CLTCL1: variants seen among roughly 807,000 people sequenced by gnomAD.
CLTCL1 encodes the protein clathrin heavy chain like 1, also known as clathrin heavy chain 2.
Under a neutral mutation model 190.0 loss-of-function variants are expected in CLTCL1, and 159 were observed. The ratio of observed to expected loss-of-function variants is 0.84; its 90% CI spans 0.74 to 0.95. The LOEUF (loss-of-function observed/expected upper bound fraction) is 0.95, where lower values mean the gene tolerates loss of function less well. CLTCL1 is among the 40% of genes least tolerant of loss of function. The pLI, the probability that CLTCL1 is intolerant of heterozygous loss-of-function variation, is 0.00. For synonymous variants in CLTCL1, 752 were observed against 769.6 expected, an observed-to-expected ratio of 0.98 and a Z score of 0.38; for missense variants, 1,878 against 2,033.4, an observed-to-expected ratio of 0.92 and a Z score of 1.47.
At chr22:19,251,605 C>T (rs528071686) in intron 3 of CLTCL1, among the ~76,000 whole-genome samples, 13 of 152,232 alleles carry the variant, frequency 8.5e-5, no homozygotes, top group African/African-American at 2.9e-4. Flanking sequence ...TACAGGCGCC[C>T]GCCACCGTGC....
chr22:19,192,285 T>A (rs2084536482), intron 26 of CLTCL1, among the ~76,000 whole-genome samples: 1 of 152,116 alleles, frequency 6.6e-6, no homozygotes. Context: ...CAGGATGGTC[T>A]CGATCTCCTG....
chr22:19,194,791 G>T (rs1050981110), intron 26 of CLTCL1, among the ~76,000 whole-genome samples: 1 of 152,238 alleles, frequency 6.6e-6, no homozygotes, highest in Non-Finnish European at 1.5e-5. Context: ...CAGCCCTATG[G>T]CTAAGTGGAT....
At chr22:19,180,985 G>A in intron 30 of CLTCL1, 179 bp from the exon 31 acceptor site, 1 of 608,224 alleles carries the variant, frequency 1.6e-6, no homozygotes. Flanking sequence ...AATGCAGCAA[G>A]GCATGGAGAG....
intron 20 of CLTCL1, 46 bp from the exon 21 acceptor site, chr22:19,209,160 C>A: frequency 6.7e-7 from 1 of 1,486,632 alleles, no homozygotes; most frequent in South Asian, 1.3e-5. Context: ...ATCTAGTCAG[C>A]TCCAAAAAAC....
chr22:19,202,660 C>T (rs2084935627), intron 22 of CLTCL1, among the ~76,000 whole-genome samples: 1 of 151,702 alleles, frequency 6.6e-6, no homozygotes. Context: ...TCTTGTACCA[C>T]CCCTACACGC....
chr22:19,221,339 C>G lies in CLTCL1; in HGVS notation c.2796+38G>C, dbSNP rs2085561141. ...ACCTTTGAAAGCTTCCCTGGGAGCC[C>G]AGGGTTACATGGGCAGCTCAGCACA... is the stretch of plus-strand genomic sequence containing the variant. On this transcript the variant is annotated intron_variant, in intron 17 of 32. Transcript: ENST00000427926. The G allele has an allele frequency of 2.0e-6, 3 of 1,481,668 alleles. No individual in the cohort carries two copies. In the African/African-American group the frequency reaches 4.2e-5, roughly 21 times the overall value. 91.8% of individuals were successfully genotyped at this position (1,481,668 alleles called of 1,614,324 possible).
At chr22:19,248,054 T>TGGGA (rs2086474653) in intron 3 of CLTCL1, among the ~76,000 whole-genome samples, 1 of 151,216 alleles carries the variant, frequency 6.6e-6, no homozygotes, top group African/African-American at 2.4e-5. Flanking sequence ...CCCAGCACTT[T>TGGGA]GGGAGGCCGA....
intron 14 of CLTCL1, among the ~76,000 whole-genome samples, 193 bp downstream of exon 14, chr22:19,223,697 TG>T (rs1321832079): frequency 6.6e-6 from 1 of 152,250 alleles, no homozygotes; most frequent in Non-Finnish European, 1.5e-5. Context: ...AGCCTCAAGC[TG>T]CTTTCCACAC....
intron 1 of CLTCL1, among the ~76,000 whole-genome samples, chr22:19,282,870 CCTTTT>C (rs1435514096): frequency 1.3e-5 from 2 of 149,760 alleles, no homozygotes; most frequent in Admixed American, 6.6e-5. Flanking sequence ...TTCTTTCTTT[CCTTTT>C]TTTTTTTTTT....
chr22:19,183,116 A>G (rs1358430224), intron 30 of CLTCL1: 3 of 449,592 alleles, frequency 6.7e-6, no homozygotes, highest in East Asian at 8.6e-5. Flanking sequence ...TGCTCCTAGC[A>G]GTGTGCACAT....
intron 2 of CLTCL1, among the ~76,000 whole-genome samples, chr22:19,254,867 CA>C (rs1343812586): frequency 1.3e-5 from 2 of 152,060 alleles, no homozygotes; most frequent in Non-Finnish European, 2.9e-5. Context: ...AGCTAATGTC[CA>C]ATAGGGCAGT....
intron 20 of CLTCL1, among the ~76,000 whole-genome samples, chr22:19,210,081 G>A (rs2085170708): frequency 6.6e-6 from 1 of 152,152 alleles, no homozygotes. Flanking sequence ...GTCCAAGGGA[G>A]TGCTGGGGAG....
chr22:19,185,526 C>T (rs1402458319), intron 29 of CLTCL1, among the ~76,000 whole-genome samples: 2 of 152,182 alleles, frequency 1.3e-5, no homozygotes, highest in Non-Finnish European at 2.9e-5. Context: ...TGGGGTTTCA[C>T]CATGTTAGCC....
In CLTCL1 at chr22:19,291,704, C is replaced by T. The variant is rs1296799559; in HGVS notation, c.-63G>A. 7 of 1,302,744 alleles carry T rather than the reference C, an allele frequency of 5.4e-6. No individual in the cohort carries two copies. The highest frequency in any genetic ancestry group is 2.6e-4 in the Middle Eastern group (1 of 3,780). 80.7% of individuals were successfully genotyped at this position (1,302,744 alleles called of 1,614,324 possible). On this transcript the variant is annotated 5_prime_UTR_variant, in exon 1 of 33. Coordinates refer to ENST00000427926, the MANE Select transcript of CLTCL1 (RefSeq NM_007098.4). ...CAGGAATGAACGCCGACCCCTCGCG[C>T]GGGCTGACCGGTGGCGACGGCGCAG... is the stretch of plus-strand genomic sequence containing the variant.
rs782651765 is a variant in CLTCL1, at chr22:19,184,033, TTTTC to T, written c.4606-426_4606-423del. ...TACTGCTCTAGAAACAGCAATGTGT[TTTTC>T]TTTCAAGTGGCTCAAAAACCCCTAA... On this transcript the variant is annotated intron_variant, in intron 29 of 32. Transcript: ENST00000427926. 76 of 266,974 alleles carry T rather than the reference TTTTC, an allele frequency of 2.8e-4. 1 individual carries two copies. The East Asian group carries it at 6.2e-3, about 22-fold the overall frequency. 16.5% of individuals were successfully genotyped at this position (266,974 alleles called of 1,614,324 possible). A position where few individuals can be genotyped will look rare whatever the true frequency, so the allele number is the denominator to read the frequency against.
intron 3 of CLTCL1, among the ~76,000 whole-genome samples, chr22:19,247,840 T>C (rs1206540): frequency 0.71 from 107,075 of 151,666 alleles, 38,236 homozygotes; most frequent in East Asian, 0.94. Flanking sequence ...GGATTAAAGG[T>C]GTGAGTCACC....
At chr22:19,270,763 G>A (rs545550003) in intron 2 of CLTCL1, among the ~76,000 whole-genome samples, 33 of 148,782 alleles carry the variant, frequency 2.2e-4, no homozygotes, top group Non-Finnish European at 4.3e-4. Context: ...TGAATGTTAT[G>A]GTATGTAAAT....
intron 3 of CLTCL1, among the ~76,000 whole-genome samples, chr22:19,252,840 C>T (rs2086634634): frequency 6.6e-6 from 1 of 152,012 alleles, no homozygotes; most frequent in Non-Finnish European, 1.5e-5. Context: ...CGGAGAAACC[C>T]CATCTCTACT....
chr22:19,236,565 A>G (rs2086087808), intron 5 of CLTCL1, among the ~76,000 whole-genome samples: 3 of 152,250 alleles, frequency 2.0e-5, no homozygotes, highest in Admixed American at 1.3e-4. Context: ...TAAAACAGAC[A>G]GTAATTTTTG....
Sources: allele counts gnomAD v4.1 joint callset (sites outside exome capture counted in the v4.1 genomes callset), GRCh38; gene constraint gnomAD v4.1.1; transcripts MANE v1.5; gene names NCBI Gene and HGNC (gene_info 2026-07-23, HGNC 2026-07-21).